Variants in SETBP1 observed in about 807,000 individuals in gnomAD.
SETBP1 encodes SET binding protein 1, also known as SET-binding protein.
A neutral mutation model predicts 101.0 loss-of-function variants in SETBP1; 9 were observed. The ratio of observed to expected loss-of-function variants is 0.09; its 90% CI spans 0.05 to 0.16. SETBP1 has a LOEUF of 0.16. Ranked by LOEUF, SETBP1 falls within the 10% of genes least tolerant of loss-of-function variation. The pLI is 1.00. For synonymous variants in SETBP1, 818 were observed against 788.5 expected (o/e 1.04, Z -0.63); for missense variants, 1,858 against 2,033.8 (o/e 0.91, Z 1.66).
At chr18:44,836,324 T>C (rs1328399133) in intron 2 of SETBP1, among the ~76,000 whole-genome samples, 2 of 152,060 alleles carry the variant, frequency 1.3e-5, no homozygotes, top group Non-Finnish European at 2.9e-5. Context: ...TTTTCCCTAG[T>C]TAGGTTCTGT....
intron 2 of SETBP1, among the ~76,000 whole-genome samples, chr18:44,839,422 T>C (rs2072570404): frequency 6.6e-6 from 1 of 152,148 alleles, no homozygotes; most frequent in Non-Finnish European, 1.5e-5. Flanking sequence ...CTGCTGCTGC[T>C]GCTGCTGCTG....
intron 3 of SETBP1, among the ~76,000 whole-genome samples, chr18:44,897,540 C>T (rs1243565998): frequency 1.3e-5 from 2 of 152,036 alleles, no homozygotes; most frequent in Admixed American, 6.6e-5. Flanking sequence ...ATGAGTTCCT[C>T]GAATCAAGCA....
Position 44,802,397 on chromosome 18 carries a change from T to A in SETBP1, c.487-66833T>A, listed in dbSNP as rs919784585. ...TTGTCAAGGCACAGGATTGGGGACTTTAGCTTTGCGAAAGTGTCTGACTAT... is the reference window on the plus strand; with the variant it reads ...TTGTCAAGGCACAGGATTGGGGACTATAGCTTTGCGAAAGTGTCTGACTAT... On this transcript the variant is annotated intron_variant, in intron 2 of 5. Transcript: ENST00000649279. 5.3e-5 allele frequency among the ~76,000 whole-genome samples: 8 copies of A among 152,148 alleles called. 1 individual carries two copies. The highest frequency in any genetic ancestry group is 1.9e-4 in the African/African-American group (8 of 41,446).
intron 1 of SETBP1, among the ~76,000 whole-genome samples, chr18:44,699,573 C>T (rs940723331): frequency 6.6e-6 from 1 of 152,230 alleles, no homozygotes; most frequent in Non-Finnish European, 1.5e-5. Flanking sequence ...TAGCATGGGT[C>T]ACAGGTGGCT....
intron 2 of SETBP1, among the ~76,000 whole-genome samples, chr18:44,801,846 G>A (rs991439844): frequency 1.0e-4 from 6 of 58,150 alleles, no homozygotes; most frequent in East Asian, 3.8e-4. Flanking sequence ...CTACGTTGTG[G>A]TAGTTAAATT....
intron 2 of SETBP1, among the ~76,000 whole-genome samples, chr18:44,735,210 A>G (rs147209453): frequency 1.3e-5 from 2 of 152,240 alleles, no homozygotes; most frequent in Non-Finnish European, 2.9e-5. Context: ...ATCTGTGGTC[A>G]TGTGTGCTGA....
chr18:44,864,323 G>A (rs2069082490), intron 2 of SETBP1, among the ~76,000 whole-genome samples: 1 of 152,076 alleles, frequency 6.6e-6, no homozygotes, highest in African/African-American at 2.4e-5. Context: ...AAAGACAAGG[G>A]AGCAGAATGC....
intron 5 of SETBP1, among the ~76,000 whole-genome samples, chr18:45,046,805 G>A (rs1211342540): frequency 1.3e-5 from 2 of 152,166 alleles, no homozygotes; most frequent in African/African-American, 4.8e-5. Context: ...GGGATGTATG[G>A]AATGAAAATA....
chr18:44,995,924 T>A (rs2072489279), intron 4 of SETBP1, among the ~76,000 whole-genome samples: 1 of 152,202 alleles, frequency 6.6e-6, no homozygotes, highest in South Asian at 2.1e-4. Context: ...GGGGCTTGTT[T>A]CCAACATCTG....
At chr18:44,923,423 T>C (rs1332128401) in intron 3 of SETBP1, among the ~76,000 whole-genome samples, 2 of 152,198 alleles carry the variant, frequency 1.3e-5, no homozygotes, top group African/African-American at 2.4e-5. Flanking sequence ...AGATCTAACA[T>C]TGTATTGCCT....
At chr18:45,058,403 G>T (rs927557604) in intron 5 of SETBP1, among the ~76,000 whole-genome samples, 5 of 152,130 alleles carry the variant, frequency 3.3e-5, no homozygotes, top group African/African-American at 1.2e-4. Context: ...AGAATTATTC[G>T]ATTAAGTAAA....
At chr18:44,828,581 C>T (rs2062838338) in intron 2 of SETBP1, among the ~76,000 whole-genome samples, 2 of 152,084 alleles carry the variant, frequency 1.3e-5, no homozygotes, top group African/African-American at 4.8e-5. Context: ...AAGGGTCGTA[C>T]AGAAAGGGGG....
At chr18:44,699,860 A>C (rs2069086300) in intron 1 of SETBP1, among the ~76,000 whole-genome samples, 1 of 152,148 alleles carries the variant, frequency 6.6e-6, no homozygotes, top group Non-Finnish European at 1.5e-5. Flanking sequence ...CAGAAGACAA[A>C]CGTCTGGTCT....
At chr18:44,961,926 G>A (rs113717411) in intron 4 of SETBP1, among the ~76,000 whole-genome samples, 7,379 of 152,244 alleles carry the variant, frequency 0.048, 632 homozygotes, top group African/African-American at 0.17. Flanking sequence ...ATAGATGAAA[G>A]CCTAACTGTC....
chr18:44,950,372 T>C lies in SETBP1; in HGVS notation c.1032T>C (p.Ser344=). 1 of 1,613,942 alleles carries C rather than the reference T, an allele frequency of 6.2e-7. No homozygotes were observed. The highest frequency in any genetic ancestry group is 1.1e-5 in the South Asian group (1 of 91,066). The change falls in exon 4 of 6, where the codon AGT becomes AGC. Residue 344 remains serine (S), a synonymous_variant. Coordinates refer to ENST00000649279, the MANE Select transcript of SETBP1 (RefSeq NM_015559.3). ...KKKSSKKDVI[S]QTIPNPDLDW... ...AGTCCAGTAAAAAAGATGTGATAAGTCAGACCATACCAAACCCAGACCTGG... is the reference window on the plus strand; with the variant it reads ...AGTCCAGTAAAAAAGATGTGATAAGCCAGACCATACCAAACCCAGACCTGG...
At chr18:44,739,363 A>T (rs568013975) in intron 2 of SETBP1, among the ~76,000 whole-genome samples, 2 of 152,296 alleles carry the variant, frequency 1.3e-5, no homozygotes, top group Admixed American at 1.3e-4. Context: ...GGATTAATAA[A>T]ACATTAACAA....
chr18:44,959,999 C>T (rs1246030388), intron 4 of SETBP1, among the ~76,000 whole-genome samples: 1 of 152,184 alleles, frequency 6.6e-6, no homozygotes, highest in Non-Finnish European at 1.5e-5. Context: ...GCCACCTTCA[C>T]CTCCTGGGTT....
At chr18:44,995,680 G>T (rs1273213679) in intron 4 of SETBP1, among the ~76,000 whole-genome samples, 1 of 152,104 alleles carries the variant, frequency 6.6e-6, no homozygotes, top group African/African-American at 2.4e-5. Context: ...AGGCTGGGAA[G>T]TCCAAAATCA....
Position 44,946,306 on chromosome 18 carries a change from G to A in SETBP1, c.541-3575G>A, listed in dbSNP as rs190535123. On this transcript the variant is annotated intron_variant, in intron 3 of 5. Transcript: ENST00000649279. ...CAATGGGATCAGGCAGTGGTCCAGAGAAGCACTAGGGACTGGGCATGCTTA... is the reference window on the plus strand; with the variant it reads ...CAATGGGATCAGGCAGTGGTCCAGAAAAGCACTAGGGACTGGGCATGCTTA... 3.7e-3 allele frequency among the ~76,000 whole-genome samples: 560 copies of A among 152,320 alleles called. 3 individuals are homozygous for A. Among genetic ancestry groups the A allele is most frequent in the Non-Finnish European group, 6.0e-3 (408 of 68,034 alleles).
Sources: gnomAD v4.1 joint callset for allele counts (sites outside exome capture counted in the v4.1 genomes callset) on GRCh38, gnomAD v4.1.1 for gene constraint, MANE v1.5 for transcripts, NCBI Gene and HGNC (gene_info 2026-07-23, HGNC 2026-07-21) for gene names.